Variants in STUM observed in about 807,000 individuals in gnomAD.
STUM encodes the protein protein stum homolog.
STUM carries 8 observed loss-of-function variants against 15.3 expected under a neutral mutation model. The ratio of observed to expected loss-of-function variants is 0.52; its 90% CI spans 0.31 to 0.94. STUM has a LOEUF of 0.94. STUM is among the 40% of genes least tolerant of loss of function. STUM has a pLI of 0.05. For synonymous variants in STUM, 78 were observed against 88.7 expected (o/e 0.88, Z 0.68); for missense variants, 142 against 204.9 (o/e 0.69, Z 1.87).
chr1:226,581,647 C>G (rs1310687226), intron 1 of STUM, among the ~76,000 whole-genome samples: 2 of 152,018 alleles, frequency 1.3e-5, no homozygotes, highest in African/African-American at 4.8e-5. Context: ...CAGGAGTACA[C>G]ACAGAGATGA....
At position 226,605,489 on chromosome 1, in the gene STUM, C is replaced by T. The variant is rs1020652087; in HGVS notation, c.*3449C>T. The stretch of plus-strand genomic sequence containing the variant: ...AGCAGGTCCTGTGGAGGGGTCCTCA[C>T]CCCTCAGGAGTAATAGGGTGATTAT... On this transcript the variant is annotated 3_prime_UTR_variant, in exon 4 of 4. Coordinates refer to ENST00000366788, the MANE Select transcript of STUM (RefSeq NM_001003665.4). This position sits in a 1 kb window ranked among gnomAD's most constrained non-coding sequence, Gnocchi z 4.0. The T allele has an allele frequency of 2.6e-5, 4 of 152,234 alleles. No individual in the cohort carries two copies. The highest frequency in any genetic ancestry group is 1.5e-5 in the Non-Finnish European group (1 of 68,088). The allele number at this position is 152,234 out of a possible 1,614,324, so 9.4% of individuals were successfully genotyped here.
intron 1 of STUM, among the ~76,000 whole-genome samples, chr1:226,559,224 A>G (rs1242803870): frequency 6.6e-6 from 1 of 152,094 alleles, no homozygotes; most frequent in East Asian, 1.9e-4. Flanking sequence ...GAGAAGTTTG[A>G]CCCTGAGGCC....
rs1382541487 is a variant in STUM at position 226,552,102 on chromosome 1, T to G, written c.202+2996T>G. 6.6e-6 allele frequency among the ~76,000 whole-genome samples: 1 copy of G among 152,100 alleles called. No homozygotes were observed. The highest frequency in any genetic ancestry group is 2.4e-5 in the African/African-American group (1 of 41,404). On this transcript the variant is annotated intron_variant, in intron 1 of 3. Coordinates refer to ENST00000366788, the MANE Select transcript of STUM (RefSeq NM_001003665.4). This position sits in a 1 kb window ranked among gnomAD's most constrained non-coding sequence, Gnocchi z 4.7. ...TTTTATTTTTATTTTTTCCCTTTGA[T>G]GTAGGTGTCTCAGGTCCATCCAGTC...
intron 1 of STUM, among the ~76,000 whole-genome samples, chr1:226,570,058 C>T (rs973857092): frequency 6.6e-5 from 10 of 152,142 alleles, no homozygotes; most frequent in Non-Finnish European, 1.3e-4. Context: ...CAACCTGAGC[C>T]CCGCCCCTCC....
rs185819041 is a variant in STUM at position 226,606,039 on chromosome 1, A to T, written c.*3999A>T. On this transcript the variant is annotated 3_prime_UTR_variant, in exon 4 of 4. Coordinates refer to ENST00000366788, the MANE Select transcript of STUM (RefSeq NM_001003665.4). ...TGCTACAGAAAGGAACTGCAGAAAG[A>T]AAAAAAGCCACATGGTTAACTTTTC... 2.6e-5 allele frequency: 4 copies of T among 152,280 alleles called. No homozygotes were observed. Among genetic ancestry groups the T allele is most frequent in the African/African-American group, 9.7e-5 (4 of 41,436 alleles). The allele number at this position is 152,280 out of a possible 1,614,324, so 9.4% of individuals were successfully genotyped here. A position where few individuals can be genotyped will look rare whatever the true frequency, so the allele number is the denominator to read the frequency against.
At chr1:226,596,735 C>A in intron 1 of STUM, 67 bp from the exon 2 acceptor site, 1 of 1,432,438 alleles carries the variant, frequency 7.0e-7, no homozygotes, top group South Asian at 1.2e-5. Flanking sequence ...CCCAGGCCAG[C>A]AATGAGCACA....
At chr1:226,594,596 C>T (rs1471035756) in intron 1 of STUM, among the ~76,000 whole-genome samples, 1 of 152,166 alleles carries the variant, frequency 6.6e-6, no homozygotes, top group Non-Finnish European at 1.5e-5. Flanking sequence ...TGCTTAGTTC[C>T]TGAGAGTTAT....
At position 226,548,963 on chromosome 1, in the gene STUM, C is replaced by CGGA; in HGVS notation, c.60_62dup (p.Ala20_Asp21insGlu). On this transcript the variant is annotated inframe_insertion, in exon 1 of 4. Transcript: ENST00000366788. ...GCGGCGGCGGCGGCGGTGGCGGCGG[C>CGGA]GGACCCCCGGGGGGCGTCCTCGTCC... 6.8e-7 allele frequency: 1 copy of CGGA among 1,477,196 alleles called. No individual in the cohort carries two copies. The highest frequency in any genetic ancestry group is 8.9e-7 in the Non-Finnish European group (1 of 1,118,580). 91.5% of individuals were successfully genotyped at this position (1,477,196 alleles called of 1,614,324 possible).
intron 2 of STUM, among the ~76,000 whole-genome samples, chr1:226,598,188 G>A (rs1668213836): frequency 6.6e-6 from 1 of 152,186 alleles, no homozygotes; most frequent in African/African-American, 2.4e-5. Flanking sequence ...CCAGCCCTCA[G>A]GTGACTCCTA....
At chr1:226,569,853 G>T (rs756649934) in intron 1 of STUM, among the ~76,000 whole-genome samples, 16 of 152,218 alleles carry the variant, frequency 1.1e-4, no homozygotes, top group Non-Finnish European at 2.2e-4. Flanking sequence ...CTGAAGAGGG[G>T]TAGAGCCTGG....
chr1:226,589,217 G>A lies in STUM; in HGVS notation c.203-7585G>A, dbSNP rs757726472. On this transcript the variant is annotated intron_variant, in intron 1 of 3. Coordinates refer to ENST00000366788, the MANE Select transcript of STUM (RefSeq NM_001003665.4). Reference sequence around the variant, plus strand: ...GTGAGTCATGCGAAAAGCTGAACCCGGTGAGAACTCCAAGGACACTTCCAG... The same window carrying A: ...GTGAGTCATGCGAAAAGCTGAACCCAGTGAGAACTCCAAGGACACTTCCAG... 3.3e-5 allele frequency among the ~76,000 whole-genome samples: 5 copies of A among 152,148 alleles called. 1 individual carries two copies. Among genetic ancestry groups the A allele is most frequent in the South Asian group, 4.1e-4 (2 of 4,824 alleles).
At chr1:226,580,501 G>T (rs565859396) in intron 1 of STUM, among the ~76,000 whole-genome samples, 4 of 152,192 alleles carry the variant, frequency 2.6e-5, no homozygotes, top group Non-Finnish European at 5.9e-5. Flanking sequence ...TGGTTGATGA[G>T]GGGGAGGGCA....
Position 226,596,902 on chromosome 1 carries a change from C to T in STUM, c.303C>T (p.Leu101=). The T allele has an allele frequency of 1.9e-6, 3 of 1,614,248 alleles. No individual in the cohort carries two copies. Among genetic ancestry groups the T allele is most frequent in the Non-Finnish European group, 2.5e-6 (3 of 1,180,020 alleles). Residue 101 remains leucine, a synonymous_variant, in exon 2 of 4, where the codon CTC becomes CTT. Coordinates refer to ENST00000366788, the MANE Select transcript of STUM (RefSeq NM_001003665.4). ...CVFWLNIAAA[L]IQILTAIVMV... Reference sequence around the variant, plus strand: ...TCTGGCTGAACATTGCAGCAGCCCTCATCCAAATCCTCACTGCCATCGTCA... The same window carrying T: ...TCTGGCTGAACATTGCAGCAGCCCTTATCCAAATCCTCACTGCCATCGTCA...
rs993624752 is a variant in STUM at position 226,605,772 on chromosome 1, G to A, written c.*3732G>A. ...AGGCTCCGTACTCCCACCTGCCTGG[G>A]CAGCCCTCACACCCATGCTCCCTCC... On this transcript the variant is annotated 3_prime_UTR_variant, in exon 4 of 4. Transcript: ENST00000366788. This position sits in a 1 kb window ranked among gnomAD's most constrained non-coding sequence, Gnocchi z 4.0. 34 of 152,476 alleles carry A rather than the reference G, an allele frequency of 2.2e-4. No individual in the cohort carries two copies. The highest frequency in any genetic ancestry group is 4.2e-4 in the Non-Finnish European group (29 of 68,278). 9.4% of individuals were successfully genotyped at this position (152,476 alleles called of 1,614,324 possible).
chr1:226,551,915 G>T (rs556022292), intron 1 of STUM, among the ~76,000 whole-genome samples: 162 of 152,254 alleles, frequency 1.1e-3, no homozygotes, highest in Non-Finnish European at 1.5e-3. Flanking sequence ...TCTATCACGT[G>T]TCCTCAGCAC....
At chr1:226,592,353 T>C (rs1668104943) in intron 1 of STUM, among the ~76,000 whole-genome samples, 1 of 152,116 alleles carries the variant, frequency 6.6e-6, no homozygotes, top group Admixed American at 6.6e-5. Context: ...CCAGCCTTTT[T>C]CCTTATTTTT....
chr1:226,562,061 G>A (rs1403068543), intron 1 of STUM, among the ~76,000 whole-genome samples: 1 of 109,788 alleles, frequency 9.1e-6, no homozygotes, highest in African/African-American at 4.5e-5. Flanking sequence ...CTTTCTTTTG[G>A]GGGTGATGAA....
chr1:226,559,433 C>G lies in STUM; in HGVS notation c.202+10327C>G, dbSNP rs1041810167. Among the ~76,000 whole-genome samples, 35 of 152,174 alleles carry G rather than the reference C, an allele frequency of 2.3e-4. 2 individuals carry two copies. The highest frequency in any genetic ancestry group is 1.3e-4 in the Non-Finnish European group (9 of 68,022). ...ATCAGTTACCCTGGCTTCGGGGCCT[C>G]CCTGCCTGTCACAGTGCCTGGCTTG... On this transcript the variant is annotated intron_variant, in intron 1 of 3. Coordinates refer to ENST00000366788, the MANE Select transcript of STUM (RefSeq NM_001003665.4).
chr1:226,587,820 C>T (rs954670507), intron 1 of STUM, among the ~76,000 whole-genome samples: 2 of 152,146 alleles, frequency 1.3e-5, no homozygotes, highest in Non-Finnish European at 2.9e-5. Context: ...AATAAATCCA[C>T]TCTCCCATCT....
Sources: gnomAD v4.1 joint callset for allele counts (sites outside exome capture counted in the v4.1 genomes callset) on GRCh38, gnomAD v4.1.1 for gene constraint, Gnocchi (gnomAD v3.1) non-coding constraint, MANE v1.5 for transcripts, NCBI Gene and HGNC (gene_info 2026-07-23, HGNC 2026-07-21) for gene names.